The following SLC44A5 variants were observed in gnomAD, a reference collection of about 807,000 sequenced individuals.
The protein encoded by SLC44A5 is solute carrier family 44 member 5.
A neutral mutation model predicts 101.8 loss-of-function variants in SLC44A5; 57 were observed. That is an observed-to-expected ratio of 0.56 (90% CI 0.45 to 0.70). The LOEUF is 0.70. SLC44A5 is among the 30% of genes least tolerant of loss of function. SLC44A5 has a pLI of 0.00. For synonymous variants in SLC44A5, 281 were observed against 290.9 expected, an observed-to-expected ratio of 0.97 and a Z score of 0.35; for missense variants, 737 against 853.1, an observed-to-expected ratio of 0.86 and a Z score of 1.70.
intron 3 of SLC44A5, among the ~76,000 whole-genome samples, chr1:75,345,851 T>G (rs957289762): frequency 1.3e-5 from 2 of 152,116 alleles, no homozygotes; most frequent in African/African-American, 4.8e-5. Flanking sequence ...ATATATTTGA[T>G]GCAGAGGAAA....
At position 75,211,560 on chromosome 1, in the gene SLC44A5, T is replaced by G. The variant is rs914437791; in HGVS notation, c.1963-8A>C. On this transcript the variant is annotated splice_region_variant and splice_polypyrimidine_tract_variant and intron_variant, in intron 22 of 23. Transcript: ENST00000370859. Reference sequence around the variant, plus strand: ...AGACCCAAAAATGACTGTCTGTAAATGGATGAAGAAGAGAACCAACATGTC... The same window carrying G: ...AGACCCAAAAATGACTGTCTGTAAAGGGATGAAGAAGAGAACCAACATGTC... The G allele has an allele frequency of 6.3e-7, 1 of 1,598,676 alleles. No individual in the cohort carries two copies. Among genetic ancestry groups the G allele is most frequent in the African/African-American group, 1.3e-5 (1 of 74,666 alleles).
the SLC44A5 span, among the ~76,000 whole-genome samples, chr1:75,661,387 T>TTAA: frequency 5.6e-5 from 3 of 53,600 alleles, no homozygotes; most frequent in Admixed American, 3.0e-4. Context: ...CTACTGCAAG[T>TTAA]AAAAAAAAAA....
At chr1:75,459,925 G>C (rs74089258) in intron 2 of SLC44A5, among the ~76,000 whole-genome samples, 2 of 152,032 alleles carry the variant, frequency 1.3e-5, no homozygotes, top group Non-Finnish European at 2.9e-5. Context: ...CAGGAGGCAC[G>C]TGAATCTTAT....
chr1:75,351,051 A>T (rs79116830), intron 3 of SLC44A5, among the ~76,000 whole-genome samples: 3 of 150,356 alleles, frequency 2.0e-5, no homozygotes, highest in Admixed American at 2.0e-4. Context: ...TGCAAAAGTA[A>T]TTGTGGTTTT....
At chr1:75,269,854 G>A (rs892321809) in intron 6 of SLC44A5, among the ~76,000 whole-genome samples, 2 of 152,168 alleles carry the variant, frequency 1.3e-5, no homozygotes, top group Middle Eastern at 6.8e-3. Flanking sequence ...ATGTCATCTT[G>A]AATTATAGCT....
At chr1:75,545,130 A>T (rs1361614518) in intron 1 of SLC44A5, among the ~76,000 whole-genome samples, 8 of 152,026 alleles carry the variant, frequency 5.3e-5, no homozygotes, top group Admixed American at 5.2e-4. Context: ...TTCTTGTGAT[A>T]GTTTGCTGAG....
the SLC44A5 span, among the ~76,000 whole-genome samples, chr1:75,634,184 T>C: frequency 6.6e-6 from 1 of 152,184 alleles, no homozygotes; most frequent in African/African-American, 2.4e-5. Context: ...AAAATTCTCT[T>C]TTTTGGTTGT....
intron 3 of SLC44A5, among the ~76,000 whole-genome samples, chr1:75,385,901 A>T (rs1211487624): frequency 6.6e-6 from 1 of 152,164 alleles, no homozygotes; most frequent in African/African-American, 2.4e-5. Flanking sequence ...AGGCTGGTTC[A>T]ATATACGCAA....
At chr1:75,553,093 A>T (rs886646159) in intron 1 of SLC44A5, among the ~76,000 whole-genome samples, 1 of 152,158 alleles carries the variant, frequency 6.6e-6, no homozygotes, top group Non-Finnish European at 1.5e-5. Context: ...TTTCCAAAAA[A>T]GAAGTAGACT....
chr1:75,476,656 A>C (rs925433466), intron 2 of SLC44A5, among the ~76,000 whole-genome samples: 1 of 152,220 alleles, frequency 6.6e-6, no homozygotes, highest in African/African-American at 2.4e-5. Flanking sequence ...TTGCTAGCAC[A>C]GCAGTCTGAG....
intron 6 of SLC44A5, among the ~76,000 whole-genome samples, chr1:75,269,946 T>C (rs2100727542): frequency 6.6e-6 from 1 of 152,258 alleles, no homozygotes; most frequent in East Asian, 1.9e-4. Context: ...GCAGTTCTGT[T>C]AGTGAATAAG....
intron 1 of SLC44A5, among the ~76,000 whole-genome samples, chr1:75,562,420 A>T (rs1672567268): frequency 6.6e-6 from 1 of 152,138 alleles, no homozygotes; most frequent in East Asian, 1.9e-4. Flanking sequence ...TTTTTAGGCC[A>T]GGTGCAGTGG....
At chr1:75,247,349 T>TA (rs1169393291) in intron 7 of SLC44A5, among the ~76,000 whole-genome samples, 3 of 152,194 alleles carry the variant, frequency 2.0e-5, no homozygotes, top group South Asian at 4.1e-4. Flanking sequence ...GGAACAATTT[T>TA]AGGGATAAAG....
chr1:75,369,735 A>G (rs1436511879), intron 3 of SLC44A5, among the ~76,000 whole-genome samples: 2 of 152,126 alleles, frequency 1.3e-5, no homozygotes, highest in Non-Finnish European at 2.9e-5. Flanking sequence ...TGGTTCTTTC[A>G]TTTCTTCAAT....
At chr1:75,702,659 G>A in the SLC44A5 span, among the ~76,000 whole-genome samples, 2 of 152,124 alleles carry the variant, frequency 1.3e-5, no homozygotes, top group African/African-American at 4.8e-5. Flanking sequence ...ATTGACAAAT[G>A]GGATCTAATT....
intron 6 of SLC44A5, among the ~76,000 whole-genome samples, chr1:75,271,497 T>G (rs866245224): frequency 6.8e-6 from 1 of 146,304 alleles, no homozygotes; most frequent in South Asian, 2.2e-4. Context: ...TCTGCATGTT[T>G]TGTGTGTGTG....
At chr1:75,601,315 A>G (rs1391114658) in intron 1 of SLC44A5, among the ~76,000 whole-genome samples, 1 of 130,842 alleles carries the variant, frequency 7.6e-6, no homozygotes, top group Non-Finnish European at 1.6e-5. Flanking sequence ...CATAAGTGGG[A>G]GTTGATCAAT....
At chr1:75,609,435 T>C (rs1211406708) in intron 1 of SLC44A5, among the ~76,000 whole-genome samples, 2 of 152,064 alleles carry the variant, frequency 1.3e-5, no homozygotes, top group African/African-American at 4.8e-5. Flanking sequence ...TACATTCTTA[T>C]TTTTGATGGT....
At chr1:75,323,296 G>A (rs1365657745) in intron 4 of SLC44A5, among the ~76,000 whole-genome samples, 46 of 151,704 alleles carry the variant, frequency 3.0e-4, no homozygotes, top group Middle Eastern at 3.4e-3. Flanking sequence ...GCTGCATAGT[G>A]TTCCATGGTG....
Sources: gnomAD v4.1 joint callset for allele counts (sites outside exome capture counted in the v4.1 genomes callset) on GRCh38, gnomAD v4.1.1 for gene constraint, MANE v1.5 for transcripts, NCBI Gene and HGNC (gene_info 2026-07-23, HGNC 2026-07-21) for gene names.